ZDHHC3: variants seen among roughly 807,000 people sequenced by gnomAD.
ZDHHC3 encodes the protein zDHHC palmitoyltransferase 3.
Under a neutral mutation model 30.6 loss-of-function variants are expected in ZDHHC3, and 9 were observed. The ratio of observed to expected loss-of-function variants is 0.29; its 90% CI spans 0.18 to 0.51. The LOEUF (loss-of-function observed/expected upper bound fraction) is 0.51, where lower values mean the gene tolerates loss of function less well. ZDHHC3 is among the 20% of genes least tolerant of loss of function. The pLI, the probability that ZDHHC3 is intolerant of heterozygous loss-of-function variation, is 0.97. For missense variants in ZDHHC3, 246 were observed against 384.2 expected (o/e 0.64, Z 3.01); for synonymous variants, 136 against 140.2 (o/e 0.97, Z 0.21).
In ZDHHC3 at chr3:44,917,985, C is replaced by A. The variant is rs1450720443; in HGVS notation, c.*8704G>T. The A allele has an allele frequency of 7.7e-7, 1 of 1,305,438 alleles. No individual in the cohort carries two copies. The highest frequency in any genetic ancestry group is 5.5e-5 in the East Asian group (1 of 18,030). 80.9% of individuals were successfully genotyped at this position (1,305,438 alleles called of 1,614,324 possible). A position where few individuals can be genotyped will look rare whatever the true frequency, so the allele number is the denominator to read the frequency against. ...CGGTGTCTGACAGCGATGTCACCTG[C>A]CGCACCATGTCTTTGTCACTGGGGA... On this transcript the variant is annotated 3_prime_UTR_variant, in exon 7 of 7. Coordinates refer to ENST00000424952, the MANE Select transcript of ZDHHC3 (RefSeq NM_001135179.2).
intron 3 of ZDHHC3, among the ~76,000 whole-genome samples, chr3:44,942,580 T>C (rs1335681867): frequency 2.6e-5 from 4 of 152,208 alleles, no homozygotes; most frequent in Admixed American, 2.6e-4. Context: ...CACCAAAAGT[T>C]CTTTTCTATA....
At chr3:44,934,541 T>A (rs1160597336) in intron 3 of ZDHHC3, among the ~76,000 whole-genome samples, 6 of 147,874 alleles carry the variant, frequency 4.1e-5, no homozygotes, top group African/African-American at 1.5e-4. Context: ...CTCCAAGAAC[T>A]TTTTGGCTCT....
intron 3 of ZDHHC3, among the ~76,000 whole-genome samples, chr3:44,943,595 G>A (rs2125861129): frequency 6.6e-6 from 1 of 152,312 alleles, no homozygotes; most frequent in East Asian, 1.9e-4. Flanking sequence ...GCCTGACAAG[G>A]AAGATGTCCA....
intron 2 of ZDHHC3, among the ~76,000 whole-genome samples, chr3:44,947,522 G>A (rs969039806): frequency 3.3e-5 from 5 of 152,184 alleles, no homozygotes; most frequent in Non-Finnish European, 7.3e-5. Flanking sequence ...GGTTAAACTA[G>A]ACATAGACAA....
chr3:44,954,034 T>C (rs1386583151), intron 2 of ZDHHC3, among the ~76,000 whole-genome samples: 1 of 152,194 alleles, frequency 6.6e-6, no homozygotes, highest in East Asian at 1.9e-4. Flanking sequence ...TCTGTAAGGC[T>C]GTTGAAAGAG....
At chr3:44,970,126 G>A (rs903611871) in intron 1 of ZDHHC3, among the ~76,000 whole-genome samples, 1 of 152,218 alleles carries the variant, frequency 6.6e-6, no homozygotes. Flanking sequence ...TATTGCAACT[G>A]TACTAGGTAC....
chr3:44,918,978 T>C lies in ZDHHC3; in HGVS notation c.*7711A>G. ...CCATCTCTTCTGGAAGCCAAGGGAA[T>C]TTGCTGTGGGTTTGCTGGGCTTGGG... On this transcript the variant is annotated 3_prime_UTR_variant, in exon 7 of 7. Transcript: ENST00000424952. 1 of 985,546 alleles carries C rather than the reference T, an allele frequency of 1.0e-6. No homozygotes were observed. Among genetic ancestry groups the C allele is most frequent in the Non-Finnish European group, 1.2e-6 (1 of 830,044 alleles). 61.1% of individuals were successfully genotyped at this position (985,546 alleles called of 1,614,324 possible).
In ZDHHC3 at chr3:44,922,517, C is replaced by T; in HGVS notation, c.*4172G>A. 1.0e-6 allele frequency: 1 copy of T among 985,398 alleles called. No homozygotes were observed. The highest frequency in any genetic ancestry group is 1.2e-6 in the Non-Finnish European group (1 of 829,918). 61.0% of individuals were successfully genotyped at this position (985,398 alleles called of 1,614,324 possible). A position where few individuals can be genotyped will look rare whatever the true frequency, so the allele number is the denominator to read the frequency against. ...GGAGGCCGCAGCTTATGAGGGAAGGCAGTCTCAGTGGCTTCTCCGCGGAGG... is the reference window on the plus strand; with the variant it reads ...GGAGGCCGCAGCTTATGAGGGAAGGTAGTCTCAGTGGCTTCTCCGCGGAGG... On this transcript the variant is annotated 3_prime_UTR_variant, in exon 7 of 7. Coordinates refer to ENST00000424952, the MANE Select transcript of ZDHHC3 (RefSeq NM_001135179.2).
In ZDHHC3 at chr3:44,924,140, C is replaced by A; in HGVS notation, c.*2549G>T. ...TTTCCCATGAGTGCACCAAACAGTA[C>A]TATCAGAACTCCTGTGACCAAGCCA... On this transcript the variant is annotated 3_prime_UTR_variant, in exon 7 of 7. Coordinates refer to ENST00000424952, the MANE Select transcript of ZDHHC3 (RefSeq NM_001135179.2). 1.0e-5 allele frequency: 10 copies of A among 985,402 alleles called. No homozygotes were observed. Among genetic ancestry groups the A allele is most frequent in the Non-Finnish European group, 1.1e-5 (9 of 829,932 alleles). 61.0% of individuals were successfully genotyped at this position (985,402 alleles called of 1,614,324 possible). A position where few individuals can be genotyped will look rare whatever the true frequency, so the allele number is the denominator to read the frequency against.
intron 5 of ZDHHC3, among the ~76,000 whole-genome samples, chr3:44,932,548 G>A (rs1701584865): frequency 6.6e-6 from 1 of 152,144 alleles, no homozygotes; most frequent in Non-Finnish European, 1.5e-5. Flanking sequence ...TCTTCTGGCT[G>A]GAGTTTCTCC....
chr3:44,947,213 A>G (rs989528610), intron 2 of ZDHHC3, among the ~76,000 whole-genome samples: 2 of 152,230 alleles, frequency 1.3e-5, no homozygotes, highest in Non-Finnish European at 2.9e-5. Context: ...AACCATTAAG[A>G]GAGCAGAAGG....
chr3:44,926,464 G>A lies in ZDHHC3; in HGVS notation c.*225C>T. 1 of 1,269,196 alleles carries A rather than the reference G, an allele frequency of 7.9e-7. No homozygotes were observed. Among genetic ancestry groups the A allele is most frequent in the Non-Finnish European group, 9.9e-7 (1 of 1,010,966 alleles). 78.6% of individuals were successfully genotyped at this position (1,269,196 alleles called of 1,614,324 possible). A position where few individuals can be genotyped will look rare whatever the true frequency, so the allele number is the denominator to read the frequency against. ...CAGAGAAGTGATTTTAAAAGGAAAA[G>A]AGAGCAGCTTCGGTCACCAAAAGAA... On this transcript the variant is annotated 3_prime_UTR_variant, in exon 7 of 7. Coordinates refer to ENST00000424952, the MANE Select transcript of ZDHHC3 (RefSeq NM_001135179.2).
Position 44,919,046 on chromosome 3 carries a change from A to C in ZDHHC3, c.*7643T>G. 2.0e-6 allele frequency: 2 copies of C among 985,456 alleles called. No individual in the cohort carries two copies. The highest frequency in any genetic ancestry group is 1.1e-4 in the East Asian group (1 of 8,824). 61.0% of individuals were successfully genotyped at this position (985,456 alleles called of 1,614,324 possible). On this transcript the variant is annotated 3_prime_UTR_variant, in exon 7 of 7. Transcript: ENST00000424952. ...ACTCAAGAAAGATCTCTGTGTATCT[A>C]GCACTTTTTCTTCCCACGCCATTTC...
At chr3:44,942,595 A>G (rs1401875813) in intron 3 of ZDHHC3, among the ~76,000 whole-genome samples, 1 of 152,228 alleles carries the variant, frequency 6.6e-6, no homozygotes. Flanking sequence ...TCTATAATAC[A>G]AAGTTAACAC....
At position 44,920,137 on chromosome 3, in the gene ZDHHC3, G is replaced by C; in HGVS notation, c.*6552C>G. 2 of 1,258,756 alleles carry C rather than the reference G, an allele frequency of 1.6e-6. No homozygotes were observed. The highest frequency in any genetic ancestry group is 2.1e-6 in the Non-Finnish European group (2 of 968,310). 78.0% of individuals were successfully genotyped at this position (1,258,756 alleles called of 1,614,324 possible). On this transcript the variant is annotated 3_prime_UTR_variant, in exon 7 of 7. Coordinates refer to ENST00000424952, the MANE Select transcript of ZDHHC3 (RefSeq NM_001135179.2). ...TGAGCCAATGTTACTTTTATAATCA[G>C]AACAAAAATAGTTGTTTCAGAAAAT...
At position 44,919,240 on chromosome 3, in the gene ZDHHC3, A is replaced by G. The variant is rs893095911; in HGVS notation, c.*7449T>C. On this transcript the variant is annotated 3_prime_UTR_variant, in exon 7 of 7. Transcript: ENST00000424952. ...TCACCCAATGATCAAAGTTAACATC[A>G]CAATAATGAAACGTATCAACACCAT... is the stretch of plus-strand genomic sequence containing the variant. 1.8e-5 allele frequency: 7 copies of G among 378,790 alleles called. No individual in the cohort carries two copies. The highest frequency in any genetic ancestry group is 2.5e-5 in the Non-Finnish European group (7 of 276,900). The allele number at this position is 378,790 out of a possible 1,614,324, so 23.5% of individuals were successfully genotyped here. A position where few individuals can be genotyped will look rare whatever the true frequency, so the allele number is the denominator to read the frequency against.
At position 44,917,074 on chromosome 3, in the gene ZDHHC3, G is replaced by A. The variant is rs1302179732; in HGVS notation, c.*9615C>T. On this transcript the variant is annotated 3_prime_UTR_variant, in exon 7 of 7. Coordinates refer to ENST00000424952, the MANE Select transcript of ZDHHC3 (RefSeq NM_001135179.2). The stretch of plus-strand genomic sequence containing the variant: ...TTAGGGAGTCCCCAGTAGCTCCAAA[G>A]AGGTCCTTCCCATATCCACATCTGT... The A allele has an allele frequency of 2.6e-5, 4 of 152,204 alleles. No individual in the cohort carries two copies. The highest frequency in any genetic ancestry group is 4.8e-5 in the African/African-American group (2 of 41,452). The allele number at this position is 152,204 out of a possible 1,614,324, so 9.4% of individuals were successfully genotyped here. A position where few individuals can be genotyped will look rare whatever the true frequency, so the allele number is the denominator to read the frequency against.
chr3:44,933,066 C>T, intron 5 of ZDHHC3, 52 bp downstream of exon 5: 1 of 1,612,822 alleles, frequency 6.2e-7, no homozygotes, highest in Non-Finnish European at 8.5e-7. Context: ...GCCCCCCACT[C>T]AGGTCACACA....
rs778235939 is a variant in ZDHHC3, at chr3:44,959,215, C to G, written c.222G>C (p.Val74=). The G allele has an allele frequency of 8.1e-6, 13 of 1,614,124 alleles. No homozygotes were observed. Among genetic ancestry groups the G allele is most frequent in the Non-Finnish European group, 1.1e-5 (13 of 1,180,058 alleles). Residue 74 remains valine (V), a synonymous_variant, in exon 2 of 7, where the codon GTG becomes GTC. Coordinates refer to ENST00000424952, the MANE Select transcript of ZDHHC3 (RefSeq NM_001135179.2). The surrounding 1 kb of genome is among the most constrained non-coding windows in gnomAD (Gnocchi z 4.3). ...ACACAATTCCGTTGATGATGCTATA[C>G]ACGTAGTCTCGAGATGGAATCAGCA... The part of the protein sequence containing the change: ...FVMLIPSRDY[V]YSIINGIVFN...
Sources: gnomAD v4.1 joint callset for allele counts (sites outside exome capture counted in the v4.1 genomes callset) on GRCh38, gnomAD v4.1.1 for gene constraint, Gnocchi (gnomAD v3.1) non-coding constraint, MANE v1.5 for transcripts, NCBI Gene and HGNC (gene_info 2026-07-23, HGNC 2026-07-21) for gene names.